POLA1: variants seen among roughly 807,000 people sequenced by gnomAD.
The protein encoded by POLA1 is DNA polymerase alpha catalytic subunit.
Under a neutral mutation model 124.0 loss-of-function variants are expected in POLA1, and 15 were observed. The ratio of observed to expected loss-of-function variants is 0.12; its 90% CI spans 0.08 to 0.19. POLA1 has a LOEUF of 0.19. POLA1 is among the 10% of genes least tolerant of loss of function. The pLI, the probability that POLA1 is intolerant of heterozygous loss-of-function variation, is 1.00. For missense variants in POLA1, 886 were observed against 1,103.4 expected, an observed-to-expected ratio of 0.80 and a Z score of 2.79; for synonymous variants, 408 against 389.4, an observed-to-expected ratio of 1.05 and a Z score of -0.56.
At chrX:24,752,794 T>A (rs961194884) in intron 26 of POLA1, among the ~76,000 whole-genome samples, 2 of 111,724 alleles carry the variant, frequency 1.8e-5, no homozygotes, top group African/African-American at 6.5e-5. Context: ...TATGATTTTT[T>A]AATCATTAGT....
At chrX:24,788,905 C>G in intron 26 of POLA1, 2 of 1,202,649 alleles carry the variant, frequency 1.7e-6, no homozygotes, top group Non-Finnish European at 2.3e-6. Flanking sequence ...TGTGATTATA[C>G]CAACGTAGGG....
chrX:24,824,318 G>C (rs1025007959), intron 31 of POLA1, among the ~76,000 whole-genome samples: 1 of 110,039 alleles, frequency 9.1e-6, no homozygotes, highest in Admixed American at 9.7e-5. Flanking sequence ...TTTGAGACAG[G>C]GTCTCGCTCT....
intron 35 of POLA1, among the ~76,000 whole-genome samples, chrX:24,896,791 A>C (rs1446896812): frequency 8.9e-5 from 10 of 112,626 alleles, no homozygotes; most frequent in Non-Finnish European, 1.9e-4. Flanking sequence ...CAAGGCATCT[A>C]GAAGATGAAA....
intron 35 of POLA1, among the ~76,000 whole-genome samples, chrX:24,895,252 T>C (rs1361247837): frequency 1.8e-5 from 2 of 112,228 alleles, no homozygotes; most frequent in Non-Finnish European, 3.8e-5. Flanking sequence ...TAAGAAACAT[T>C]CATTCCTTAT....
At chrX:24,819,490 A>G (rs2046050519) in intron 30 of POLA1, among the ~76,000 whole-genome samples, 3 of 110,907 alleles carry the variant, frequency 2.7e-5, no homozygotes, top group Non-Finnish European at 5.7e-5. Context: ...ATATTCTGTG[A>G]AAAAGGCAGC....
At chrX:24,714,902 G>A (rs947319598) in intron 5 of POLA1, among the ~76,000 whole-genome samples, 1 of 112,278 alleles carries the variant, frequency 8.9e-6, no homozygotes, top group Non-Finnish European at 1.9e-5. Context: ...TAATTTTAGT[G>A]AGTAGCAGGA....
intron 34 of POLA1, among the ~76,000 whole-genome samples, chrX:24,861,999 CCTTTT>C (rs756729060): frequency 4.9e-4 from 54 of 111,227 alleles, no homozygotes; most frequent in Admixed American, 3.6e-3. Flanking sequence ...AGGAATCGTT[CCTTTT>C]CTTCTAAAGT....
At chrX:24,983,829 A>G (rs755301145) in intron 36 of POLA1, among the ~76,000 whole-genome samples, 1 of 110,831 alleles carries the variant, frequency 9.0e-6, no homozygotes, top group South Asian at 3.9e-4. Context: ...ACTGCTGTGC[A>G]TGGTGGGATG....
At chrX:24,968,703 A>AG (rs1491375455) in intron 36 of POLA1, among the ~76,000 whole-genome samples, 2 of 83,547 alleles carry the variant, frequency 2.4e-5, no homozygotes, top group Admixed American at 2.4e-4. Flanking sequence ...ACTCCATCTC[A>AG]AAAAAAAAAA....
intron 34 of POLA1, among the ~76,000 whole-genome samples, chrX:24,859,057 G>A (rs910094237): frequency 1.9e-4 from 21 of 111,198 alleles, no homozygotes; most frequent in African/African-American, 6.5e-5. Flanking sequence ...GGATATCGTG[G>A]TGTTGTATTA....
At chrX:24,928,004 A>C (rs767875173) in intron 35 of POLA1, among the ~76,000 whole-genome samples, 3 of 112,270 alleles carry the variant, frequency 2.7e-5, no homozygotes, top group East Asian at 5.6e-4. Context: ...TTGTTCATTT[A>C]AACTATAGTT....
intron 36 of POLA1, among the ~76,000 whole-genome samples, chrX:24,973,716 C>T (rs2048330985): frequency 8.9e-6 from 1 of 111,892 alleles, no homozygotes; most frequent in African/African-American, 3.3e-5. Context: ...CCCCTCCCAC[C>T]ATGGTCGGGA....
At chrX:24,857,596 T>G (rs375120026) in intron 34 of POLA1, among the ~76,000 whole-genome samples, 2 of 111,823 alleles carry the variant, frequency 1.8e-5, no homozygotes, top group African/African-American at 6.5e-5. Context: ...TTTCAGCTTA[T>G]GGGTCCTGTA....
intron 31 of POLA1, among the ~76,000 whole-genome samples, chrX:24,824,027 T>G (rs2046132954): frequency 8.9e-6 from 1 of 112,149 alleles, no homozygotes; most frequent in African/African-American, 3.2e-5. Context: ...TTTAACATAA[T>G]TATTTTAAGG....
At chrX:24,972,399 GCTCTCT>G (rs1490921952) in intron 36 of POLA1, among the ~76,000 whole-genome samples, 1 of 112,148 alleles carries the variant, frequency 8.9e-6, no homozygotes, top group African/African-American at 3.2e-5. Context: ...TCTTTATCCT[GCTCTCT>G]CACCTCTTTC....
At chrX:24,776,258 C>A (rs2045137557) in intron 26 of POLA1, among the ~76,000 whole-genome samples, 1 of 112,110 alleles carries the variant, frequency 8.9e-6, no homozygotes, top group African/African-American at 3.2e-5. Context: ...AAGACTCATG[C>A]TGATAATGTA....
chrX:24,718,993 T>A (rs755326419), intron 10 of POLA1, among the ~76,000 whole-genome samples: 2 of 112,375 alleles, frequency 1.8e-5, no homozygotes, highest in East Asian at 5.6e-4. Context: ...GGTATTCTTT[T>A]GTGCCTCTTT....
intron 10 of POLA1, among the ~76,000 whole-genome samples, chrX:24,721,316 C>T (rs1301747666): frequency 8.9e-6 from 1 of 111,955 alleles, no homozygotes; most frequent in Non-Finnish European, 1.9e-5. Context: ...GGGCTTCTCA[C>T]CCTCAGTCCA....
At chrX:24,958,419 A>T (rs1340680450) in intron 36 of POLA1, among the ~76,000 whole-genome samples, 1 of 111,518 alleles carries the variant, frequency 9.0e-6, no homozygotes, top group Non-Finnish European at 1.9e-5. Flanking sequence ...TCCATCTACC[A>T]TTGACCTCTC....
Sources: gnomAD v4.1 joint callset for allele counts (sites outside exome capture counted in the v4.1 genomes callset) on GRCh38, gnomAD v4.1.1 for gene constraint, MANE v1.5 for transcripts, NCBI Gene and HGNC (gene_info 2026-07-23, HGNC 2026-07-21) for gene names.